The following ZNF736 variants were observed in gnomAD, a reference collection of about 807,000 sequenced individuals.
The protein encoded by ZNF736 is KRAB-containing zinc-finger repressor protein.
In ZNF736, 6 loss-of-function variants were observed where a neutral mutation model predicts 11.7. That is an observed-to-expected ratio of 0.51 (90% CI 0.28 to 1.01). ZNF736 has a LOEUF of 1.01. ZNF736 is among the 50% of genes least tolerant of loss of function. ZNF736 has a pLI of 0.09. For missense variants in ZNF736, 444 were observed against 496.0 expected (o/e 0.90, Z 1.00); for synonymous variants, 139 against 164.7 (o/e 0.84, Z 1.19).
At chr7:64,322,242 T>A (rs1372097466) in intron 1 of ZNF736, among the ~76,000 whole-genome samples, 2 of 152,206 alleles carry the variant, frequency 1.3e-5, no homozygotes, top group Non-Finnish European at 2.9e-5. Context: ...ATTATGCTGT[T>A]GTTTTTCATA....
intron 3 of ZNF736, chr7:64,337,313 A>T (rs1789267685): frequency 3.4e-6 from 1 of 291,004 alleles, no homozygotes; most frequent in Non-Finnish European, 6.4e-6. Flanking sequence ...TGCTTTGGGG[A>T]AACAGCAATA....
intron 3 of ZNF736, among the ~76,000 whole-genome samples, chr7:64,338,278 T>C (rs1278223104): frequency 1.3e-5 from 2 of 152,226 alleles, no homozygotes; most frequent in Non-Finnish European, 1.5e-5. Context: ...TGATTTTGTA[T>C]GTGTATACAT....
chr7:64,353,110 G>A lies in ZNF736; in HGVS notation c.*3963G>A, dbSNP rs1444768907. The A allele has an allele frequency of 6.6e-6, 1 of 152,210 alleles. No individual in the cohort carries two copies. Among genetic ancestry groups the A allele is most frequent in the Admixed American group, 6.5e-5 (1 of 15,282 alleles). The allele number at this position is 152,210 out of a possible 1,614,324, so 9.4% of individuals were successfully genotyped here. On this transcript the variant is annotated 3_prime_UTR_variant, in exon 4 of 4. Coordinates refer to ENST00000423484, the MANE Select transcript of ZNF736 (RefSeq NM_001170905.3). ...ATCTGCTGAGACTCCATGTAGCTCT[G>A]TGTGTTAAACTGAAGGCCTTGGTGA...
At position 64,347,949 on chromosome 7, in the gene ZNF736, T is replaced by G. The variant is rs563174301; in HGVS notation, c.227-141T>G. ...CACAAAGGCATTTTGGTCAGTATAT[T>G]TCTGTTAGGTTTATATGTCTATAAG... On this transcript the variant is annotated intron_variant, in intron 3 of 3. Transcript: ENST00000423484. 16 of 812,374 alleles carry G rather than the reference T, an allele frequency of 2.0e-5. No homozygotes were observed. The African/African-American group carries it at 2.4e-4, about 12-fold the overall frequency. 50.3% of individuals were successfully genotyped at this position (812,374 alleles called of 1,614,324 possible). A position where few individuals can be genotyped will look rare whatever the true frequency, so the allele number is the denominator to read the frequency against.
intron 1 of ZNF736, 62 bp downstream of exon 1, chr7:64,314,215 C>T (rs1012037186): frequency 3.2e-6 from 5 of 1,544,264 alleles, no homozygotes; most frequent in Non-Finnish European, 4.4e-6. Flanking sequence ...CGGCCGGAAC[C>T]GGCTGCGGTG....
chr7:64,314,022 C>T lies in ZNF736; in HGVS notation c.-129C>T, dbSNP rs1312067668. ...GCTTCCGGGCTCTGATCCTAGTTCG[C>T]GTCTCCACTGTTCCATCTCCTCCGT... On this transcript the variant is annotated 5_prime_UTR_variant, in exon 1 of 4. Coordinates refer to ENST00000423484, the MANE Select transcript of ZNF736 (RefSeq NM_001170905.3). 17 of 1,308,144 alleles carry T rather than the reference C, an allele frequency of 1.3e-5. No individual in the cohort carries two copies. Among genetic ancestry groups the T allele is most frequent in the East Asian group, 1.0e-4 (4 of 39,652 alleles). The allele number at this position is 1,308,144 out of a possible 1,614,324, so 81.0% of individuals were successfully genotyped here. A position where few individuals can be genotyped will look rare whatever the true frequency, so the allele number is the denominator to read the frequency against.
chr7:64,337,480 A>T (rs13236860), intron 3 of ZNF736: 37,197 of 155,254 alleles, frequency 0.24, 4,737 homozygotes, highest in African/African-American at 0.29. Flanking sequence ...TTTCTATTCT[A>T]TGGAACCTTC....
At chr7:64,338,858 T>C (rs1160371092) in intron 3 of ZNF736, among the ~76,000 whole-genome samples, 2 of 152,022 alleles carry the variant, frequency 1.3e-5, no homozygotes, top group Non-Finnish European at 2.9e-5. Context: ...AGAAATGAGA[T>C]AGCTGAATTG....
rs1231887629 is a variant in ZNF736, at chr7:64,348,310, A to G, written c.447A>G (p.Lys149=). 1 of 1,551,860 alleles carries G rather than the reference A, an allele frequency of 6.4e-7. No individual in the cohort carries two copies. Among genetic ancestry groups the G allele is most frequent in the African/African-American group, 1.4e-5 (1 of 73,188 alleles). ...ATHSKTCQCN[K]CGRGFQLCSI... ...ATAGCAAAACCTGTCAATGTAATAAATGTGGCAGAGGTTTTCAGTTGTGCT... is the reference window on the plus strand; with the variant it reads ...ATAGCAAAACCTGTCAATGTAATAAGTGTGGCAGAGGTTTTCAGTTGTGCT... The change falls in exon 4 of 4, where the codon AAA becomes AAG. Residue 149 remains lysine (K), a synonymous_variant. Coordinates refer to ENST00000423484, the MANE Select transcript of ZNF736 (RefSeq NM_001170905.3).
At chr7:64,330,332 A>T (rs1428099812) in intron 1 of ZNF736, among the ~76,000 whole-genome samples, 2 of 151,544 alleles carry the variant, frequency 1.3e-5, no homozygotes, top group Non-Finnish European at 2.9e-5. Context: ...ATTTTTTTGT[A>T]TTTTTTAGTA....
In ZNF736 at chr7:64,314,026, T is replaced by G; in HGVS notation, c.-125T>G. 7.3e-7 allele frequency: 1 copy of G among 1,363,278 alleles called. No homozygotes were observed. The highest frequency in any genetic ancestry group is 1.0e-6 in the Non-Finnish European group (1 of 979,808). 84.4% of individuals were successfully genotyped at this position (1,363,278 alleles called of 1,614,324 possible). On this transcript the variant is annotated 5_prime_UTR_variant, in exon 1 of 4. Transcript: ENST00000423484. ...CCGGGCTCTGATCCTAGTTCGCGTCTCCACTGTTCCATCTCCTCCGTTCCT... is the reference window on the plus strand; with the variant it reads ...CCGGGCTCTGATCCTAGTTCGCGTCGCCACTGTTCCATCTCCTCCGTTCCT...
At chr7:64,338,437 T>G (rs74788291) in intron 3 of ZNF736, among the ~76,000 whole-genome samples, 2 of 152,226 alleles carry the variant, frequency 1.3e-5, no homozygotes, top group African/African-American at 4.8e-5. Flanking sequence ...AGCTGTACCT[T>G]AGGTTACCAT....
chr7:64,315,839 A>C (rs553140903), intron 1 of ZNF736, among the ~76,000 whole-genome samples: 1 of 152,164 alleles, frequency 6.6e-6, no homozygotes, highest in Non-Finnish European at 1.5e-5. Flanking sequence ...ATTATGAACT[A>C]TCAGTTCTTT....
At chr7:64,327,602 C>A (rs1789100281) in intron 1 of ZNF736, among the ~76,000 whole-genome samples, 2 of 152,044 alleles carry the variant, frequency 1.3e-5, no homozygotes, top group Non-Finnish European at 2.9e-5. Context: ...GTTTTGTGGT[C>A]TTTTCTCTCT....
At chr7:64,319,366 T>TATAC (rs1554303199) in intron 1 of ZNF736, among the ~76,000 whole-genome samples, 12 of 133,232 alleles carry the variant, frequency 9.0e-5, no homozygotes, top group African/African-American at 3.2e-4. Flanking sequence ...TATATATATA[T>TATAC]ATATATATAT....
rs1173381151 is a variant in ZNF736, at chr7:64,348,478, ATG to A, written c.618_619del (p.Cys206TrpfsTer5). 6.4e-7 allele frequency: 1 copy of A among 1,554,774 alleles called. No homozygotes were observed. The highest frequency in any genetic ancestry group is 8.7e-7 in the Non-Finnish European group (1 of 1,149,578). On this transcript the variant is annotated frameshift_variant, in exon 4 of 4. Coordinates refer to ENST00000423484, the MANE Select transcript of ZNF736 (RefSeq NM_001170905.3). LOFTEE classifies it low-confidence loss of function (END_TRUNC). Reference protein sequence around the residue: ...TVERCYKCEECGKAFKKFSNL... With the variant: ...TVERCYKCEEXGKAFKKFSNL... ...TAGAGAGATGCTACAAATGTGAAGA[ATG>A]TGGCAAAGCGTTTAAAAAGTTTTCA...
chr7:64,328,760 T>TG (rs1789117413), intron 1 of ZNF736, among the ~76,000 whole-genome samples: 1 of 151,824 alleles, frequency 6.6e-6, no homozygotes, highest in Admixed American at 6.6e-5. Flanking sequence ...AGGCTCTGTC[T>TG]GAAAAAAAAA....
chr7:64,345,601 T>C (rs1789398593), intron 3 of ZNF736, among the ~76,000 whole-genome samples: 1 of 151,650 alleles, frequency 6.6e-6, no homozygotes, highest in Non-Finnish European at 1.5e-5. Flanking sequence ...TGGTGGTGCA[T>C]GTCTGTAGTC....
At chr7:64,325,944 A>C (rs912728219) in intron 1 of ZNF736, among the ~76,000 whole-genome samples, 4 of 152,186 alleles carry the variant, frequency 2.6e-5, no homozygotes, top group Non-Finnish European at 5.9e-5. Flanking sequence ...CCCAATATAC[A>C]TATAGGCTTC....
Sources: gnomAD v4.1 joint callset for allele counts (sites outside exome capture counted in the v4.1 genomes callset) on GRCh38, gnomAD v4.1.1 for gene constraint, MANE v1.5 for transcripts, NCBI Gene and HGNC (gene_info 2026-07-23, HGNC 2026-07-21) for gene names.